Variants in NXN observed in about 807,000 individuals in gnomAD.
The protein encoded by NXN is nucleoredoxin 1.
In NXN, 16 loss-of-function variants were observed where a neutral mutation model predicts 48.6. The ratio of observed to expected loss-of-function variants is 0.33; its 90% confidence interval spans 0.22 to 0.50. NXN has a LOEUF of 0.50. Ranked by LOEUF, NXN falls within the 20% of genes least tolerant of loss-of-function variation. The pLI is 0.98. For missense variants in NXN, 492 were observed against 605.5 expected (o/e 0.81, Z 1.97); for synonymous variants, 281 against 269.6 (o/e 1.04, Z -0.41).
At position 958,741 on chromosome 17, in the gene NXN, G is replaced by A. The variant is rs994210141; in HGVS notation, c.360+20578C>T. 1.9e-4 allele frequency among the ~76,000 whole-genome samples: 29 copies of A among 152,170 alleles called. No individual in the cohort carries two copies. The highest frequency in any genetic ancestry group is 4.2e-4 in the South Asian group (2 of 4,814). The stretch of plus-strand genomic sequence containing the variant: ...TGTGCCACTGAACTCCAGCACAGGC[G>A]ACAGAGCGAGACTCCCTCTCAAAAA... On this transcript the variant is annotated intron_variant, in intron 1 of 7. Transcript: ENST00000336868. This position sits in a 1 kb window ranked among gnomAD's most constrained non-coding sequence, Gnocchi z 6.9.
chr17:926,638 C>T (rs988245914), intron 1 of NXN, among the ~76,000 whole-genome samples: 4 of 151,904 alleles, frequency 2.6e-5, no homozygotes, highest in African/African-American at 4.8e-5. Flanking sequence ...CTCTGCTTCC[C>T]GGGCTAAAAC....
chr17:884,522 T>C (rs763662693), intron 1 of NXN, among the ~76,000 whole-genome samples: 2 of 152,186 alleles, frequency 1.3e-5, no homozygotes, highest in Non-Finnish European at 2.9e-5. Flanking sequence ...GGGAAGTGTG[T>C]CCGGCACTGT....
intron 5 of NXN, among the ~76,000 whole-genome samples, chr17:815,884 C>T (rs1912445250): frequency 6.6e-6 from 1 of 152,180 alleles, no homozygotes; most frequent in Admixed American, 6.5e-5. Context: ...ACACAGAGGC[C>T]AGTAGGGAGG....
At position 846,992 on chromosome 17, in the gene NXN, A is replaced by G. The variant is rs550170389; in HGVS notation, c.361-20914T>C. Among the ~76,000 whole-genome samples, 10 of 152,210 alleles carry G rather than the reference A, an allele frequency of 6.6e-5. No homozygotes were observed. In the South Asian group the frequency reaches 1.7e-3, roughly 25 times the overall value. On this transcript the variant is annotated intron_variant, in intron 1 of 7. Transcript: ENST00000336868. ...TTCCGCAGCTTCTGGTAGATGAGGA[A>G]TGTGACTACGTAGCGCCTACCGCCC...
intron 1 of NXN, among the ~76,000 whole-genome samples, chr17:939,384 C>G (rs1342492535): frequency 7.2e-6 from 1 of 139,718 alleles, no homozygotes. Flanking sequence ...TCACTCTTGT[C>G]ACCCAGGCTG....
intron 1 of NXN, among the ~76,000 whole-genome samples, chr17:972,627 G>A (rs1307154417): frequency 1.3e-5 from 2 of 152,228 alleles, no homozygotes. Flanking sequence ...GAAAAAGGAA[G>A]ATCCCCAAGG....
intron 1 of NXN, among the ~76,000 whole-genome samples, chr17:873,413 C>T (rs192680234): frequency 1.3e-5 from 2 of 148,730 alleles, no homozygotes; most frequent in Admixed American, 1.4e-4. Flanking sequence ...AGGAGAATTG[C>T]TTGAACCCAG....
At chr17:864,772 G>A (rs865808956) in intron 1 of NXN, among the ~76,000 whole-genome samples, 4 of 152,134 alleles carry the variant, frequency 2.6e-5, no homozygotes, top group South Asian at 2.1e-4. Flanking sequence ...GGCATTAAAG[G>A]GGCAGAGGTG....
At chr17:852,035 G>A (rs2067928999) in intron 1 of NXN, among the ~76,000 whole-genome samples, 1 of 152,210 alleles carries the variant, frequency 6.6e-6, no homozygotes, top group Non-Finnish European at 1.5e-5. Flanking sequence ...CCAGTCTCAG[G>A]AACGGCCCTG....
chr17:869,495 G>A (rs1417225797), intron 1 of NXN, among the ~76,000 whole-genome samples: 2 of 152,220 alleles, frequency 1.3e-5, no homozygotes, highest in African/African-American at 2.4e-5. Context: ...CTCCTGAGCT[G>A]CAAACAGGAC....
intron 1 of NXN, among the ~76,000 whole-genome samples, chr17:924,536 C>T (rs554706983): frequency 1.3e-5 from 2 of 152,278 alleles, no homozygotes; most frequent in African/African-American, 2.4e-5. Flanking sequence ...TGCGCCCGGC[C>T]GATTTTTAAT....
intron 1 of NXN, among the ~76,000 whole-genome samples, chr17:945,207 G>A (rs184347275): frequency 0.03 from 4,546 of 151,608 alleles, 207 homozygotes; most frequent in African/African-American, 0.1. Context: ...TCAGCCTCCC[G>A]AGTAGCTGGG....
rs72812068 is a variant in NXN, at chr17:958,168, C to T, written c.360+21151G>A. Among the ~76,000 whole-genome samples the T allele has an allele frequency of 0.06, 9,126 of 152,258 alleles. 379 individuals are homozygous for T. The highest frequency in any genetic ancestry group is 0.1 in the Admixed American group (1,580 of 15,280). ...CTTAATCCACTGGACTACCCTCCCC[C>T]TCGTTTGAAAAGGTCACTTGCACAT... is the stretch of plus-strand genomic sequence containing the variant. On this transcript the variant is annotated intron_variant, in intron 1 of 7. Transcript: ENST00000336868. The surrounding 1 kb of genome is among the most constrained non-coding windows in gnomAD (Gnocchi z 6.9).
chr17:863,427 G>A lies in NXN; in HGVS notation c.361-37349C>T, dbSNP rs148550773. ...CATGATCAGCCCGCCTCAGCCTCCC[G>A]AAGTGCTGGGATTACAGGTGTGAGC... On this transcript the variant is annotated intron_variant, in intron 1 of 7. Coordinates refer to ENST00000336868, the MANE Select transcript of NXN (RefSeq NM_022463.5). Among the ~76,000 whole-genome samples the A allele has an allele frequency of 8.0e-3, 1,213 of 152,088 alleles. 14 individuals are homozygous for A. Among genetic ancestry groups the A allele is most frequent in the East Asian group, 0.035 (182 of 5,168 alleles).
intron 1 of NXN, among the ~76,000 whole-genome samples, chr17:939,651 T>C (rs1198165254): frequency 6.6e-6 from 1 of 151,928 alleles, no homozygotes; most frequent in Non-Finnish European, 1.5e-5. Flanking sequence ...TGGCCAGAGA[T>C]CATCTTTTTA....
chr17:841,723 CA>C (rs1404581859), intron 1 of NXN, among the ~76,000 whole-genome samples: 1 of 152,172 alleles, frequency 6.6e-6, no homozygotes, highest in Non-Finnish European at 1.5e-5. Flanking sequence ...TCCACCCTGA[CA>C]AAGGAAAGGG....
chr17:899,453 A>G (rs2068517581), intron 1 of NXN, among the ~76,000 whole-genome samples: 1 of 152,154 alleles, frequency 6.6e-6, no homozygotes, highest in Non-Finnish European at 1.5e-5. Flanking sequence ...GACGATCAAT[A>G]AACAACAATA....
chr17:946,790 A>T (rs1198728429), intron 1 of NXN, among the ~76,000 whole-genome samples: 2 of 152,176 alleles, frequency 1.3e-5, no homozygotes, highest in Admixed American at 1.3e-4. Flanking sequence ...TCACCTGGAA[A>T]ATGGGGGTGA....
intron 1 of NXN, among the ~76,000 whole-genome samples, chr17:835,284 GAA>G (rs1913747782): frequency 1.4e-5 from 2 of 146,060 alleles, no homozygotes; most frequent in Non-Finnish European, 3.0e-5. Flanking sequence ...CTCCAGCCTG[GAA>G]GACAGACCGA....
Sources: allele counts gnomAD v4.1 joint callset (sites outside exome capture counted in the v4.1 genomes callset), GRCh38; gene constraint gnomAD v4.1.1; non-coding constraint Gnocchi (gnomAD v3.1); transcripts MANE v1.5; gene names NCBI Gene and HGNC (gene_info 2026-07-23, HGNC 2026-07-21).